Variants in SLC17A5 observed in about 807,000 individuals in gnomAD.
The protein encoded by SLC17A5 is solute carrier family 17 member 5.
In SLC17A5, 47 loss-of-function variants were observed where a neutral mutation model predicts 59.4. The observed-to-expected ratio is 0.79, with a 90% CI of 0.63 to 1.01. The LOEUF is 1.01. SLC17A5 is among the 50% of genes least tolerant of loss of function. The probability of loss-of-function intolerance (pLI) is 0.00; values close to 1 mark genes in which losing one functional copy is unlikely to be tolerated. For missense variants in SLC17A5, 522 were observed against 595.5 expected (o/e 0.88, Z 1.28); for synonymous variants, 202 against 210.7 (o/e 0.96, Z 0.36).
intron 2 of SLC17A5, among the ~76,000 whole-genome samples, chr6:73,642,296 C>T (rs534758859): frequency 1.3e-5 from 2 of 152,200 alleles, no homozygotes; most frequent in African/African-American, 4.8e-5. Flanking sequence ...GGCCCTGCCT[C>T]CCCCTCCCAA....
At chr6:73,612,609 C>G (rs888532160) in intron 8 of SLC17A5, among the ~76,000 whole-genome samples, 1 of 152,080 alleles carries the variant, frequency 6.6e-6, no homozygotes, top group Non-Finnish European at 1.5e-5. Flanking sequence ...GGGTATTGCT[C>G]TGTTGCCTAG....
chr6:73,628,451 A>G (rs1195847926), intron 6 of SLC17A5, among the ~76,000 whole-genome samples: 1 of 152,012 alleles, frequency 6.6e-6, no homozygotes, highest in Non-Finnish European at 1.5e-5. Context: ...CGTGCATGTA[A>G]TCCCAGCTAC....
At chr6:73,648,465 A>C (rs1009885905) in intron 1 of SLC17A5, among the ~76,000 whole-genome samples, 2 of 152,186 alleles carry the variant, frequency 1.3e-5, no homozygotes, top group East Asian at 3.9e-4. Context: ...GGGACCTGGG[A>C]ATGAATCTGT....
At chr6:73,612,180 T>C (rs1299040038) in intron 8 of SLC17A5, among the ~76,000 whole-genome samples, 1 of 108,042 alleles carries the variant, frequency 9.3e-6, no homozygotes, top group East Asian at 2.9e-4. Flanking sequence ...GCCTGGCTAA[T>C]TTTTTTTTTT....
At chr6:73,634,375 C>T (rs1294135558) in intron 6 of SLC17A5, among the ~76,000 whole-genome samples, 3 of 152,106 alleles carry the variant, frequency 2.0e-5, no homozygotes, top group East Asian at 1.9e-4. Flanking sequence ...ATTTGTATCA[C>T]GTACCTTCCC....
At chr6:73,610,646 A>G in intron 8 of SLC17A5, 99 bp from the exon 9 acceptor site, 1 of 1,283,236 alleles carries the variant, frequency 7.8e-7, no homozygotes, top group Non-Finnish European at 1.1e-6. Flanking sequence ...GCTGCCACCT[A>G]CTGTAGAAAC....
At chr6:73,625,311 C>A (rs59383274) in intron 6 of SLC17A5, among the ~76,000 whole-genome samples, 9 of 151,938 alleles carry the variant, frequency 5.9e-5, no homozygotes, top group African/African-American at 2.2e-4. Context: ...CTCAGCCTCC[C>A]GAGTAGCTGG....
intron 9 of SLC17A5, among the ~76,000 whole-genome samples, chr6:73,601,906 C>T (rs1767135409): frequency 6.6e-6 from 1 of 151,574 alleles, no homozygotes; most frequent in Non-Finnish European, 1.5e-5. Flanking sequence ...TGAGGAGCCC[C>T]TCTGCCCGGC....
In SLC17A5 at chr6:73,653,849, C is replaced by T; in HGVS notation, c.38G>A (p.Gly13Asp). The change falls in exon 1 of 11, where the codon GGC (glycine) becomes GAC (aspartate). Residue 13 changes from glycine to aspartate, a missense_variant. Physicochemically the swap from Gly to Asp is moderately conservative, Grantham distance 94. Around this residue, in one of 3 missense-constraint regions of SLC17A5, gnomAD observed 338 missense variants for 363.8 expected, o/e 0.93. Coordinates refer to ENST00000355773, the MANE Select transcript of SLC17A5 (RefSeq NM_012434.5). ...SPVRDLARND[G>D]EESTDRTPLL... ...AGGCGTGCGGTCCGTGCTCTCCTCG[C>T]CATCGTTCCGGGCCAGGTCTCGAAC... is the stretch of plus-strand genomic sequence containing the variant. The T allele has an allele frequency of 6.2e-7, 1 of 1,607,234 alleles. No homozygotes were observed. The highest frequency in any genetic ancestry group is 8.5e-7 in the Non-Finnish European group (1 of 1,177,734).
At chr6:73,651,020 G>T (rs574926275) in intron 1 of SLC17A5, among the ~76,000 whole-genome samples, 1 of 152,318 alleles carries the variant, frequency 6.6e-6, no homozygotes, top group South Asian at 2.1e-4. Context: ...GAGGGCAGAA[G>T]ATGTTAAAGG....
chr6:73,598,544 T>C (rs1023952558), intron 10 of SLC17A5, among the ~76,000 whole-genome samples: 1 of 151,978 alleles, frequency 6.6e-6, no homozygotes, highest in African/African-American at 2.4e-5. Flanking sequence ...GGCAGGAGAA[T>C]TGTTTGAACC....
In SLC17A5 at chr6:73,615,392, G is replaced by C. The variant is rs1225497350; in HGVS notation, c.1034C>G (p.Ser345Cys). 6.2e-7 allele frequency: 1 copy of C among 1,613,870 alleles called. No homozygotes were observed. Among genetic ancestry groups the C allele is most frequent in the South Asian group, 1.1e-5 (1 of 91,066 alleles). The change falls in exon 8 of 11, where the codon TCT becomes TGT. Residue 345 changes from serine to cysteine, a missense_variant. This residue lies in a region of SLC17A5 where 31 missense variants were observed against 63.2 expected (regional missense o/e 0.49). Coordinates refer to ENST00000355773, the MANE Select transcript of SLC17A5 (RefSeq NM_012434.5). ...YLGSWLCMIL[S>C]GQAADNLRAK... ...CCTTAAATTGTCAGCAGCTTGACCA[G>C]ACAGGATCATACATAACCAAGAGCC...
chr6:73,643,697 G>A (rs12196281), intron 2 of SLC17A5, among the ~76,000 whole-genome samples: 33,314 of 151,614 alleles, frequency 0.22, 3,854 homozygotes, highest in Non-Finnish European at 0.25. Context: ...GGCTGGTCTC[G>A]AACTACTCAC....
At chr6:73,611,477 G>A (rs11751984) in intron 8 of SLC17A5, among the ~76,000 whole-genome samples, 8,626 of 151,970 alleles carry the variant, frequency 0.057, 442 homozygotes, top group Admixed American at 0.17. Context: ...ATGGGGTTTC[G>A]CCATGTTGGC....
chr6:73,641,371 G>A (rs1228033927), intron 3 of SLC17A5, among the ~76,000 whole-genome samples: 1 of 152,066 alleles, frequency 6.6e-6, no homozygotes, highest in Non-Finnish European at 1.5e-5. Context: ...GAGCCACCAC[G>A]CCCGGACTAT....
chr6:73,630,196 T>C (rs931783633), intron 6 of SLC17A5, among the ~76,000 whole-genome samples: 1 of 152,170 alleles, frequency 6.6e-6, no homozygotes, highest in Admixed American at 6.5e-5. Flanking sequence ...CTTTGCCATA[T>C]TGGCCAGGCT....
At position 73,600,388 on chromosome 6, in the gene SLC17A5, A is replaced by G; in HGVS notation, c.1313T>C (p.Met438Thr). Residue 438 changes from methionine (M) to threonine (T), a missense_variant, in exon 10 of 11, where the codon ATG (methionine) becomes ACG (threonine). This residue lies in a region of SLC17A5 where 153 missense variants were observed against 168.5 expected (regional missense o/e 0.91). Coordinates refer to ENST00000355773, the MANE Select transcript of SLC17A5 (RefSeq NM_012434.5). ...ITNTFATIPG[M>T]VGPVIAKSLT... is the part of the protein sequence containing the mutation. ...ACTTTTAGCAATGACGGGCCCAACC[A>G]TTCCTGGAATAGTGGCAAATGTATT... is the stretch of plus-strand genomic sequence containing the variant. 1 of 1,614,126 alleles carries G rather than the reference A, an allele frequency of 6.2e-7. No individual in the cohort carries two copies. Among genetic ancestry groups the G allele is most frequent in the Non-Finnish European group, 8.5e-7 (1 of 1,179,986 alleles).
rs149340734 is a variant in SLC17A5, at chr6:73,635,425, G to A, written c.776C>T (p.Ser259Phe). The A allele has an allele frequency of 6.2e-7, 1 of 1,608,612 alleles. No homozygotes were observed. The highest frequency in any genetic ancestry group is 1.3e-5 in the African/African-American group (1 of 74,936). Residue 259 changes from serine to phenylalanine, a missense_variant, in exon 6 of 11, where the codon TCC becomes TTC. Physicochemically the swap from Ser to Phe is radical, Grantham distance 155. Around this residue, in one of 3 missense-constraint regions of SLC17A5, gnomAD observed 338 missense variants for 363.8 expected, o/e 0.93. Transcript: ENST00000355773. ...AAGAATGTATTCCTTTTCATAATGG[G>A]AAATTCTCTTGTGTTTTTGTGGTGT... is the stretch of plus-strand genomic sequence containing the variant. Reference protein sequence around the residue: ...SDTPQKHKRISHYEKEYILSS... With the variant: ...SDTPQKHKRIFHYEKEYILSS...
intron 1 of SLC17A5, among the ~76,000 whole-genome samples, chr6:73,647,506 T>G (rs555346028): frequency 6.6e-6 from 1 of 152,370 alleles, no homozygotes; most frequent in East Asian, 1.9e-4. Flanking sequence ...AACTCTATTT[T>G]ATGCTACTGT....
Sources: allele counts gnomAD v4.1 joint callset (sites outside exome capture counted in the v4.1 genomes callset), GRCh38; gene constraint gnomAD v4.1.1; regional missense constraint gnomAD v4.1.1; transcripts MANE v1.5; gene names NCBI Gene and HGNC (gene_info 2026-07-23, HGNC 2026-07-21).